AMY2B: variants seen among roughly 807,000 people sequenced by gnomAD.
AMY2B encodes the protein amylase alpha 2B.
AMY2B carries 63 observed loss-of-function variants against 59.3 expected under a neutral mutation model. The observed-to-expected ratio is 1.06, with a 90% CI of 0.87 to 1.31. AMY2B has a LOEUF of 1.31. AMY2B is among the 50% of genes most tolerant of loss of function. The probability of loss-of-function intolerance (pLI) is 0.00; values close to 1 mark genes in which losing one functional copy is unlikely to be tolerated. For synonymous variants in AMY2B, 180 were observed against 198.1 expected, an observed-to-expected ratio of 0.91 and a Z score of 0.77; for missense variants, 635 against 626.7, an observed-to-expected ratio of 1.01 and a Z score of -0.14.
chr1:103,555,286 CAT>C (rs1207438820), intron 1 of AMY2B: 19 of 151,424 alleles, frequency 1.3e-4, no homozygotes, highest in Non-Finnish European at 5.9e-5. Context: ...TCTAGGAAAA[CAT>C]AATATTATAA....
intron 1 of AMY2B, among the ~76,000 whole-genome samples, chr1:103,555,767 C>T (rs533349516): frequency 2.6e-5 from 4 of 151,950 alleles, no homozygotes; most frequent in South Asian, 2.1e-4. Flanking sequence ...AAGAGTCTTG[C>T]GTTCAAGGGG....
At chr1:103,557,152 A>G (rs61817690) in intron 1 of AMY2B, among the ~76,000 whole-genome samples, 18,730 of 140,850 alleles carry the variant, frequency 0.13, 1,403 homozygotes, top group Non-Finnish European at 0.17. Context: ...GCGCGCGCGC[A>G]CACACACACA....
chr1:103,569,874 A>T, upstream of AMY2B: 1 of 457,484 alleles, frequency 2.2e-6, no homozygotes, highest in East Asian at 5.5e-5. Flanking sequence ...CTGACCGAGG[A>T]CCCCCTGAAC....
At position 103,557,418 on chromosome 1, in the gene AMY2B, A is replaced by T. The variant is rs1000381755; in HGVS notation, c.-207+2309A>T. ...GTAATCCCAGCACTTTGGGAGGCCA[A>T]CGCAGGTGGATCAACGTGAGGTCAG... On this transcript the variant is annotated intron_variant, in intron 1 of 11. Coordinates refer to the AMY2B transcript ENST00000361355. 3.9e-5 allele frequency among the ~76,000 whole-genome samples: 6 copies of T among 152,268 alleles called. No homozygotes were observed. The East Asian group carries it at 1.2e-3, about 29-fold the overall frequency.
chr1:103,577,541 G>A lies in AMY2B; in HGVS notation c.1153G>A (p.Val385Ile), dbSNP rs1438250424. 6.2e-7 allele frequency: 1 copy of A among 1,611,914 alleles called. No individual in the cohort carries two copies. The highest frequency in any genetic ancestry group is 8.5e-7 in the Non-Finnish European group (1 of 1,179,808). Residue 385 changes from valine (V) to isoleucine (I), a missense_variant, in exon 8 of 10, where the codon GTT becomes ATT. Physicochemically the swap from Val to Ile is conservative, Grantham distance 29 (BLOSUM62 3). Coordinates refer to ENST00000684275, the MANE Select transcript of AMY2B (RefSeq NM_001387437.1). ...AAATAATAATGGAGTAATTAAAGAAGTTACTATTAATCCAGACACTACTTG... is the reference window on the plus strand; with the variant it reads ...AAATAATAATGGAGTAATTAAAGAAATTACTATTAATCCAGACACTACTTG... ...PPNNNGVIKE[V>I]TINPDTTCGN...
At chr1:103,556,762 C>A (rs1043093794) in intron 1 of AMY2B, among the ~76,000 whole-genome samples, 1 of 152,028 alleles carries the variant, frequency 6.6e-6, no homozygotes, top group African/African-American at 2.4e-5. Context: ...AAAGCATTAT[C>A]TAAATGAATT....
chr1:103,562,213 T>C (rs1651755636), intron 1 of AMY2B: 1 of 152,208 alleles, frequency 6.6e-6, no homozygotes, highest in South Asian at 2.1e-4. Context: ...TTTCAGTTTG[T>C]TGACAAATCA....
At chr1:103,565,718 G>A (rs116161192) in intron 2 of AMY2B, 759 of 152,158 alleles carry the variant, frequency 5.0e-3, no homozygotes, top group Middle Eastern at 0.01. Flanking sequence ...CAAATATCAA[G>A]CTAATTCCAT....
At chr1:103,555,951 T>A (rs1361546482) in intron 1 of AMY2B, among the ~76,000 whole-genome samples, 1 of 152,098 alleles carries the variant, frequency 6.6e-6, no homozygotes, top group Non-Finnish European at 1.5e-5. Flanking sequence ...ATAGAAGGGT[T>A]CGTTTTAAAG....
At chr1:103,574,689 A>G (rs1652275611) in intron 5 of AMY2B, among the ~76,000 whole-genome samples, 1 of 152,128 alleles carries the variant, frequency 6.6e-6, no homozygotes, top group Non-Finnish European at 1.5e-5. Context: ...CCAGGTTATT[A>G]TTAAAATGAT....
chr1:103,570,211 C>T, upstream of AMY2B: 1 of 509,330 alleles, frequency 2.0e-6, no homozygotes, highest in Non-Finnish European at 3.9e-6. Context: ...CTATGTTGCC[C>T]TGGACTTTGA....
upstream of AMY2B, among the ~76,000 whole-genome samples, chr1:103,567,881 C>G (rs1651962721): frequency 2.6e-5 from 4 of 152,126 alleles, no homozygotes; most frequent in Admixed American, 2.6e-4. Context: ...GGACATTACT[C>G]TTGCTCTTTC....
chr1:103,562,241 G>A (rs530395431), intron 1 of AMY2B: 1 of 152,268 alleles, frequency 6.6e-6, no homozygotes, highest in South Asian at 2.1e-4. Context: ...GTGCTGTGCA[G>A]TACAAAATGT....
chr1:103,577,209 G>C (rs892417559), intron 7 of AMY2B, among the ~76,000 whole-genome samples: 3 of 152,182 alleles, frequency 2.0e-5, no homozygotes, highest in African/African-American at 7.2e-5. Flanking sequence ...CTGTACTCCA[G>C]CCTGGGTGAC....
chr1:103,575,026 ATATATATT>A (rs1652290695), intron 5 of AMY2B, among the ~76,000 whole-genome samples, 189 bp from the exon 6 acceptor site: 1 of 147,074 alleles, frequency 6.8e-6, no homozygotes, highest in African/African-American at 2.5e-5. Flanking sequence ...GTGTGTGTGT[ATATATATT>A]TGAGTGTGTG....
At chr1:103,573,562 T>C (rs968689154) in intron 3 of AMY2B, 146 bp from the exon 4 acceptor site, 14 of 1,295,308 alleles carry the variant, frequency 1.1e-5, no homozygotes, top group African/African-American at 3.0e-5. Flanking sequence ...ACATCTATAG[T>C]AGAATGTGAG....
rs1168919011 is a variant in AMY2B, at chr1:103,577,861, T to C, written c.1346+16T>C. The C allele has an allele frequency of 6.3e-7, 1 of 1,598,866 alleles. No individual in the cohort carries two copies. Reference sequence around the variant, plus strand: ...ATGATGACTGGTAAGTACATATCAATTAAAAATAATATTTTGTACCTGTAT... The same window carrying C: ...ATGATGACTGGTAAGTACATATCAACTAAAAATAATATTTTGTACCTGTAT... On this transcript the variant is annotated intron_variant, in intron 9 of 9. Transcript: ENST00000684275.
chr1:103,571,847 C>T (rs1652144840), intron 1 of AMY2B, 77 bp downstream of exon 1: 11 of 1,610,832 alleles, frequency 6.8e-6, no homozygotes, highest in Admixed American at 6.7e-5. Flanking sequence ...ATCCGTGAAG[C>T]TTAGGCAACA....
intron 7 of AMY2B, among the ~76,000 whole-genome samples, chr1:103,577,214 G>A (rs188407665): frequency 2.0e-5 from 3 of 152,150 alleles, no homozygotes; most frequent in Non-Finnish European, 4.4e-5. Context: ...CTCCAGCCTG[G>A]GTGACAGAGC....
Sources: allele counts gnomAD v4.1 joint callset (sites outside exome capture counted in the v4.1 genomes callset), GRCh38; gene constraint gnomAD v4.1.1; transcripts MANE v1.5; gene names NCBI Gene and HGNC (gene_info 2026-07-23, HGNC 2026-07-21).